The following LRRD1 variants were observed in gnomAD, a reference collection of about 807,000 sequenced individuals.
The protein encoded by LRRD1 is leucine-rich repeat and death domain-containing protein 1.
LRRD1 carries 49 observed loss-of-function variants against 69.5 expected under a neutral mutation model. The ratio of observed to expected loss-of-function variants is 0.70; its 90% CI spans 0.56 to 0.89. The LOEUF is 0.89. Among genes scored for constraint, LRRD1 ranks in the 40% least tolerant of loss-of-function variants. The probability of loss-of-function intolerance (pLI) is 0.00; values close to 1 mark genes in which losing one functional copy is unlikely to be tolerated. For synonymous variants in LRRD1, 303 were observed against 338.9 expected, an observed-to-expected ratio of 0.89 and a Z score of 1.16; for missense variants, 853 against 956.0, an observed-to-expected ratio of 0.89 and a Z score of 1.42.
chr7:92,154,325 A>G (rs991577912), intron 3 of LRRD1, among the ~76,000 whole-genome samples: 5 of 151,914 alleles, frequency 3.3e-5, no homozygotes, highest in Admixed American at 1.3e-4. Flanking sequence ...TTGCAGCCTC[A>G]GCCTCATGGG....
downstream of LRRD1, among the ~76,000 whole-genome samples, chr7:92,143,718 C>T (rs1425414170): frequency 6.6e-6 from 1 of 152,196 alleles, no homozygotes; most frequent in Non-Finnish European, 1.5e-5. Flanking sequence ...TGCACACATG[C>T]CTGCAAGCTG....
chr7:92,142,348 GGGATTGAGGATCA>G, downstream of LRRD1: 1 of 417,940 alleles, frequency 2.4e-6, no homozygotes, highest in Non-Finnish European at 4.7e-6. Context: ...CAGAAGTATG[GGGATTGAGGATCA>G]GACAACATAA....
At chr7:92,151,650 T>C (rs1156250936) in intron 3 of LRRD1, among the ~76,000 whole-genome samples, 3 of 152,122 alleles carry the variant, frequency 2.0e-5, no homozygotes, top group African/African-American at 7.2e-5. Flanking sequence ...CCTAATCCAA[T>C]GTAAACCTAA....
At position 92,163,384 on chromosome 7, in the gene LRRD1, A is replaced by G; in HGVS notation, c.1819T>C (p.Leu607=). The G allele has an allele frequency of 6.5e-7, 1 of 1,547,740 alleles. No individual in the cohort carries two copies. The highest frequency in any genetic ancestry group is 8.7e-7 in the Non-Finnish European group (1 of 1,145,946). Residue 607 remains leucine, a synonymous_variant, in exon 2 of 6, where the codon TTA becomes CTA. Coordinates refer to ENST00000458448, the MANE Select transcript of LRRD1 (RefSeq NM_001161528.2). ...ATAAATTGATTGCTTGAGAAGTTTA[A>G]TTTCTGGATTCCTTTTAAATTACAG... ...DICNLKGIQK[L]NFSSNQFIHF...
intron 1 of LRRD1, among the ~76,000 whole-genome samples, chr7:92,169,448 C>T (rs1378668388): frequency 1.3e-5 from 2 of 151,580 alleles, no homozygotes; most frequent in African/African-American, 4.8e-5. Context: ...GTGAGGAATT[C>T]AAGATCAGCC....
intron 1 of LRRD1, among the ~76,000 whole-genome samples, chr7:92,167,802 G>T (rs527314668): frequency 7.2e-6 from 1 of 139,210 alleles, no homozygotes; most frequent in East Asian, 2.1e-4. Context: ...GCATGAACCC[G>T]GGAGGCGGAG....
intron 4 of LRRD1, among the ~76,000 whole-genome samples, chr7:92,147,663 G>C (rs1035518926): frequency 1.3e-5 from 2 of 152,044 alleles, no homozygotes; most frequent in Non-Finnish European, 2.9e-5. Flanking sequence ...AGTGATTTTA[G>C]TTTTTTTAAT....
intron 4 of LRRD1, among the ~76,000 whole-genome samples, chr7:92,147,894 G>A (rs1820368314): frequency 6.6e-6 from 1 of 152,050 alleles, no homozygotes; most frequent in Non-Finnish European, 1.5e-5. Context: ...GCCATGCCTG[G>A]CTAATTTATT....
At position 92,163,896 on chromosome 7, in the gene LRRD1, C is replaced by G. The variant is rs918974465; in HGVS notation, c.1307G>C (p.Cys436Ser). 2.0e-6 allele frequency: 3 copies of G among 1,529,652 alleles called. 1 individual carries two copies. The highest frequency in any genetic ancestry group is 2.2e-5 in the Admixed American group (1 of 45,060). The allele number at this position is 1,529,652 out of a possible 1,614,324, so 94.8% of individuals were successfully genotyped here. ...GCATATGTTATTAAGATGTGAGATA[C>G]AGTCAGTTATTTTTACCATATTATT... ...NRNNMVKITD[C>S]ISHLNNICSL... is the part of the protein sequence containing the mutation. The change falls in exon 2 of 6, where the codon TGT becomes TCT. Residue 436 changes from cysteine to serine, a missense_variant. Transcript: ENST00000458448.
At position 92,144,897 on chromosome 7, in the gene LRRD1, A is replaced by C. The variant is rs1159569982; in HGVS notation, c.2574T>G (p.Ile858Met). ...ITALNLFTRA[I>M]KF Reference sequence around the variant, plus strand: ...ATTATTGATCCACTGGTTAGAATTTAATTGCACGCGTAAAAAGATTTAAAG... The same window carrying C: ...ATTATTGATCCACTGGTTAGAATTTCATTGCACGCGTAAAAAGATTTAAAG... Residue 858 changes from isoleucine to methionine, a missense_variant, in exon 6 of 6, where the codon ATT becomes ATG. Coordinates refer to ENST00000458448, the MANE Select transcript of LRRD1 (RefSeq NM_001161528.2). 2 of 1,482,848 alleles carry C rather than the reference A, an allele frequency of 1.3e-6. No individual in the cohort carries two copies. Among genetic ancestry groups the C allele is most frequent in the East Asian group, 2.5e-5 (1 of 39,702 alleles). 91.9% of individuals were successfully genotyped at this position (1,482,848 alleles called of 1,614,324 possible).
intron 1 of LRRD1, among the ~76,000 whole-genome samples, chr7:92,172,321 T>A (rs1789074690): frequency 6.6e-6 from 1 of 152,148 alleles, no homozygotes; most frequent in African/African-American, 2.4e-5. Context: ...TTATTCAACA[T>A]AATGCTGGAA....
At chr7:92,161,689 G>C (rs1788799742) in intron 2 of LRRD1, among the ~76,000 whole-genome samples, 1 of 152,158 alleles carries the variant, frequency 6.6e-6, no homozygotes, top group Non-Finnish European at 1.5e-5. Context: ...AAAGGAACAA[G>C]AATGATTTCA....
chr7:92,159,102 C>T lies in LRRD1; in HGVS notation c.2019G>A (p.Leu673=), dbSNP rs1788742679. 2 of 1,547,502 alleles carry T rather than the reference C, an allele frequency of 1.3e-6. No individual in the cohort carries two copies. The highest frequency in any genetic ancestry group is 1.7e-6 in the Non-Finnish European group (2 of 1,145,332). ...ATGCATGTAAACTAACCAAATTTCT[C>T]AATTCTCCTATATTTCTTGGAATCT... ...IREIPRNIGE[L]RNLVSLHAYN... is the part of the protein sequence containing the mutation. Residue 673 remains leucine, a synonymous_variant, in exon 3 of 6, where the codon TTG becomes TTA. Transcript: ENST00000458448.
chr7:92,169,767 A>T (rs952166907), intron 1 of LRRD1, among the ~76,000 whole-genome samples: 5 of 152,012 alleles, frequency 3.3e-5, no homozygotes, highest in Non-Finnish European at 7.4e-5. Context: ...AAGACAGGCC[A>T]TTTGAAAATA....
chr7:92,143,060 C>G (rs1041582374), downstream of LRRD1: 1 of 196,098 alleles, frequency 5.1e-6, no homozygotes. Flanking sequence ...TTTGACAGGG[C>G]GCTGATTGGT....
intron 2 of LRRD1, among the ~76,000 whole-genome samples, chr7:92,162,388 A>G (rs972077739): frequency 5.3e-5 from 8 of 152,072 alleles, no homozygotes; most frequent in Non-Finnish European, 1.2e-4. Flanking sequence ...TTTTGAGCAG[A>G]TGCTCATGGG....
chr7:92,153,759 C>A (rs1029412986), intron 3 of LRRD1, among the ~76,000 whole-genome samples: 2 of 151,552 alleles, frequency 1.3e-5, no homozygotes, highest in Non-Finnish European at 2.9e-5. Flanking sequence ...GAGGCAGAAG[C>A]TGCAGTGAGC....
chr7:92,144,802 T>C (rs900724247), downstream of LRRD1: 13 of 741,258 alleles, frequency 1.8e-5, no homozygotes, highest in East Asian at 3.1e-4. Context: ...TTCTCTTGTA[T>C]GATAAAGTGA....
Position 92,179,012 on chromosome 7 carries a change from G to A in LRRD1, c.-80C>T, listed in dbSNP as rs1410308780. 6.6e-6 allele frequency: 1 copy of A among 152,430 alleles called. No homozygotes were observed. The highest frequency in any genetic ancestry group is 1.5e-5 in the Non-Finnish European group (1 of 68,196). 9.4% of individuals were successfully genotyped at this position (152,430 alleles called of 1,614,324 possible). A position where few individuals can be genotyped will look rare whatever the true frequency, so the allele number is the denominator to read the frequency against. ...AGACACACCCTTCGCTTCACCTGTG[G>A]CCTCCCGCGGCGGCTGCGGCTCCTT... On this transcript the variant is annotated 5_prime_UTR_variant, in exon 1 of 6. Transcript: ENST00000458448.
Sources: allele counts gnomAD v4.1 joint callset (sites outside exome capture counted in the v4.1 genomes callset), GRCh38; gene constraint gnomAD v4.1.1; transcripts MANE v1.5; gene names NCBI Gene and HGNC (gene_info 2026-07-23, HGNC 2026-07-21).